The following FSHR variants were observed in gnomAD, a reference collection of about 807,000 sequenced individuals.
FSHR encodes follicle stimulating hormone receptor.
FSHR carries 46 observed loss-of-function variants against 52.1 expected under a neutral mutation model. That is an observed-to-expected ratio of 0.88 (90% CI 0.70 to 1.13). FSHR has a LOEUF of 1.13. Ranked by LOEUF, FSHR falls within the 50% of genes most tolerant of loss-of-function variation. The pLI, the probability that FSHR is intolerant of heterozygous loss-of-function variation, is 0.00. For synonymous variants in FSHR, 399 were observed against 309.6 expected (o/e 1.29, Z -3.03); for missense variants, 964 against 834.6 (o/e 1.16, Z -1.91).
chr2:49,021,577 G>A (rs968717801), intron 2 of FSHR, among the ~76,000 whole-genome samples: 5 of 151,720 alleles, frequency 3.3e-5, no homozygotes, highest in African/African-American at 1.2e-4. Flanking sequence ...CTGGGGGAGG[G>A]GAAGTGTGAC....
At chr2:49,133,167 C>G (rs918647991) in intron 1 of FSHR, among the ~76,000 whole-genome samples, 2 of 152,106 alleles carry the variant, frequency 1.3e-5, no homozygotes, top group African/African-American at 4.8e-5. Flanking sequence ...CATTTCTCAT[C>G]CTTATCCCAG....
intron 1 of FSHR, among the ~76,000 whole-genome samples, chr2:49,133,785 C>T (rs1332234356): frequency 1.3e-5 from 2 of 152,136 alleles, no homozygotes; most frequent in Non-Finnish European, 2.9e-5. Context: ...ACCATCTGAT[C>T]TTTGACAAAC....
At chr2:49,063,194 C>T (rs1669376614) in intron 2 of FSHR, among the ~76,000 whole-genome samples, 1 of 152,064 alleles carries the variant, frequency 6.6e-6, no homozygotes, top group African/African-American at 2.4e-5. Context: ...CTGTCTTCTG[C>T]CACTGTACCC....
chr2:48,963,998 A>G (rs1436778875), intron 9 of FSHR, 32 bp from the exon 10 acceptor site: 4 of 1,595,618 alleles, frequency 2.5e-6, no homozygotes, highest in East Asian at 2.2e-5. Flanking sequence ...TAGAATCAAC[A>G]TCTCAGATCC....
chr2:49,024,063 A>G (rs1247340579), intron 2 of FSHR, among the ~76,000 whole-genome samples: 1 of 152,176 alleles, frequency 6.6e-6, no homozygotes, highest in African/African-American at 2.4e-5. Flanking sequence ...TCACCATTAT[A>G]ACTGATACTC....
rs1384040967 is a variant in FSHR at position 49,020,093 on chromosome 2, G to C, written c.292C>G (p.His98Asp). Reference protein sequence around the residue: ...ADVFSNLPKLHEIRIEKANNL... With the variant: ...ADVFSNLPKLDEIRIEKANNL... ...CCCAATCTTCTTGCTTACATTTCAT[G>C]TAATTTGGGAAGGTTGGAGAACACA... The change falls in exon 3 of 10, where the codon CAT (histidine) becomes GAT (aspartate). Residue 98 changes from histidine to aspartate, a missense_variant. Transcript: ENST00000406846. 6.2e-7 allele frequency: 1 copy of C among 1,613,090 alleles called. No individual in the cohort carries two copies. The highest frequency in any genetic ancestry group is 8.5e-7 in the Non-Finnish European group (1 of 1,179,142).
At chr2:49,068,466 T>C (rs1279399300) in intron 1 of FSHR, among the ~76,000 whole-genome samples, 176 bp from the exon 2 acceptor site, 1 of 152,052 alleles carries the variant, frequency 6.6e-6, no homozygotes, top group East Asian at 1.9e-4. Context: ...ATACTGAAAC[T>C]ATTAGTCTTT....
At chr2:49,014,444 T>A (rs1223960700) in intron 4 of FSHR, among the ~76,000 whole-genome samples, 1 of 152,072 alleles carries the variant, frequency 6.6e-6, no homozygotes, top group Non-Finnish European at 1.5e-5. Flanking sequence ...TTCAGCCTTT[T>A]TCAGAGGCAA....
At chr2:49,072,878 T>G (rs1265292193) in intron 1 of FSHR, among the ~76,000 whole-genome samples, 2 of 152,152 alleles carry the variant, frequency 1.3e-5, no homozygotes, top group Non-Finnish European at 2.9e-5. Flanking sequence ...GATTTACCAC[T>G]TAACATTGTA....
intron 5 of FSHR, among the ~76,000 whole-genome samples, chr2:48,989,473 G>T (rs1343530503): frequency 6.6e-6 from 1 of 151,970 alleles, no homozygotes; most frequent in Non-Finnish European, 1.5e-5. Flanking sequence ...TGTAAAGTCA[G>T]GGTTTCACCA....
At chr2:49,003,669 G>A (rs1216156113) in intron 4 of FSHR, among the ~76,000 whole-genome samples, 6 of 152,096 alleles carry the variant, frequency 3.9e-5, no homozygotes, top group African/African-American at 7.2e-5. Flanking sequence ...AGAGTGGGGC[G>A]AGGACCAGGT....
At chr2:49,022,458 A>G (rs1004822463) in intron 2 of FSHR, among the ~76,000 whole-genome samples, 11 of 152,110 alleles carry the variant, frequency 7.2e-5, no homozygotes, top group African/African-American at 2.7e-4. Flanking sequence ...CTTCAATGAG[A>G]AATTTAGACA....
intron 1 of FSHR, among the ~76,000 whole-genome samples, chr2:49,133,548 C>G (rs1334497510): frequency 1.3e-5 from 2 of 152,112 alleles, no homozygotes; most frequent in African/African-American, 4.8e-5. Flanking sequence ...TGACTTTCTT[C>G]ACAGAATTGG....
At chr2:49,151,529 A>G (rs1313974339) in intron 1 of FSHR, among the ~76,000 whole-genome samples, 2 of 152,110 alleles carry the variant, frequency 1.3e-5, no homozygotes, top group East Asian at 3.8e-4. Flanking sequence ...TGGCAGATGT[A>G]TCAAATGAAA....
At chr2:49,090,937 T>G (rs1293490381) in intron 1 of FSHR, among the ~76,000 whole-genome samples, 1 of 152,126 alleles carries the variant, frequency 6.6e-6, no homozygotes, top group African/African-American at 2.4e-5. Flanking sequence ...GACTGATTCT[T>G]TCCCATGATT....
rs763096554 is a variant in FSHR at position 49,154,253 on chromosome 2, C to T, written c.152+13G>A. ...CCAGCCATGCAGTTGTTCCCCCTCCCTCTGATACTCACAGTTCAATGGCAT... is the reference window on the plus strand; with the variant it reads ...CCAGCCATGCAGTTGTTCCCCCTCCTTCTGATACTCACAGTTCAATGGCAT... On this transcript the variant is annotated intron_variant, in intron 1 of 9. Transcript: ENST00000406846. 1.2e-6 allele frequency: 2 copies of T among 1,613,356 alleles called. No homozygotes were observed. Among genetic ancestry groups the T allele is most frequent in the East Asian group, 2.2e-5 (1 of 44,842 alleles).
intron 8 of FSHR, among the ~76,000 whole-genome samples, chr2:48,978,677 A>G (rs149637282): frequency 6.6e-6 from 1 of 152,232 alleles, no homozygotes; most frequent in Non-Finnish European, 1.5e-5. Context: ...ATGGCTGCTG[A>G]TGTTCAAGGT....
chr2:48,972,105 G>C (rs1034061419), intron 8 of FSHR, among the ~76,000 whole-genome samples: 2 of 151,840 alleles, frequency 1.3e-5, no homozygotes, highest in South Asian at 4.1e-4. Flanking sequence ...TAATATGCAG[G>C]TCAGACTTTG....
intron 2 of FSHR, among the ~76,000 whole-genome samples, chr2:49,040,414 G>GA (rs1668440701): frequency 6.6e-6 from 1 of 151,944 alleles, no homozygotes; most frequent in African/African-American, 2.4e-5. Context: ...TTCTATATAA[G>GA]TTACTCAATT....
Sources: gnomAD v4.1 joint callset for allele counts (sites outside exome capture counted in the v4.1 genomes callset) on GRCh38, gnomAD v4.1.1 for gene constraint, MANE v1.5 for transcripts, NCBI Gene and HGNC (gene_info 2026-07-23, HGNC 2026-07-21) for gene names.